Variants in SIRPG observed in about 807,000 individuals in gnomAD.
SIRPG encodes signal regulatory protein gamma, also known as signal-regulatory protein gamma.
In SIRPG, 38 loss-of-function variants were observed where a neutral mutation model predicts 35.7. The observed-to-expected ratio is 1.06, with a 90% CI of 0.82 to 1.40. The LOEUF is 1.40. Ranked by LOEUF, SIRPG falls within the 40% of genes most tolerant of loss-of-function variation. The probability of loss-of-function intolerance (pLI) is 0.00; values close to 1 mark genes in which losing one functional copy is unlikely to be tolerated. For missense variants in SIRPG, 519 were observed against 483.0 expected (o/e 1.07, Z -0.70); for synonymous variants, 215 against 190.4 (o/e 1.13, Z -1.06).
At chr20:1,670,404 A>G in the SIRPG span, among the ~76,000 whole-genome samples, 2 of 152,264 alleles carry the variant, frequency 1.3e-5, no homozygotes, top group South Asian at 4.1e-4. Flanking sequence ...TATGAATGAA[A>G]TTACTAAGCA....
At chr20:1,634,313 TCTC>T (rs2122421978) in intron 4 of SIRPG, among the ~76,000 whole-genome samples, 1 of 151,226 alleles carries the variant, frequency 6.6e-6, no homozygotes, top group Admixed American at 6.6e-5. Flanking sequence ...TTCACACCAT[TCTC>T]CTGCCTCAGC....
intron 2 of SIRPG, among the ~76,000 whole-genome samples, chr20:1,637,012 C>T (rs921298108): frequency 6.6e-6 from 1 of 152,186 alleles, no homozygotes; most frequent in Admixed American, 6.5e-5. Flanking sequence ...GCAGCATTTT[C>T]CCTTCCCAGG....
the SIRPG span, among the ~76,000 whole-genome samples, chr20:1,671,466 G>T: frequency 1.3e-5 from 2 of 152,152 alleles, no homozygotes; most frequent in Non-Finnish European, 2.9e-5. Context: ...CTCCCTCTGT[G>T]TATGGACTGG....
At chr20:1,645,294 TTGCCAGGGGACTGGGTA>T (rs796225656) in intron 2 of SIRPG, among the ~76,000 whole-genome samples, 8 of 152,246 alleles carry the variant, frequency 5.3e-5, no homozygotes, top group African/African-American at 1.9e-4. Context: ...GGCATGACCT[TTGCCAGGGGACTGGGTA>T]TGAGAATCTT....
At chr20:1,658,281 C>T (rs924134401), upstream of SIRPG, among the ~76,000 whole-genome samples, 1 of 152,200 alleles carries the variant, frequency 6.6e-6, no homozygotes, top group Non-Finnish European at 1.5e-5. Flanking sequence ...AATTCAGTCT[C>T]TTGTGGACCT....
chr20:1,649,231 T>A lies in SIRPG; in HGVS notation c.251A>T (p.His84Leu). The part of the protein sequence containing the change: ...RELIYNQKEG[H>L]FPRVTTVSDL... ...TGAAACTGTTGTTACCCTGGGGAAG[T>A]GGCCTTCTTTTTGATTGTAGATTAA... Residue 84 changes from histidine to leucine, a missense_variant, in exon 2 of 6, where the codon CAC becomes CTC. Transcript: ENST00000303415. The A allele has an allele frequency of 6.2e-7, 1 of 1,614,150 alleles. No homozygotes were observed. The highest frequency in any genetic ancestry group is 1.3e-5 in the African/African-American group (1 of 75,034).
At chr20:1,652,173 C>A (rs1357804248) in intron 1 of SIRPG, among the ~76,000 whole-genome samples, 1 of 152,128 alleles carries the variant, frequency 6.6e-6, no homozygotes, top group Non-Finnish European at 1.5e-5. Flanking sequence ...CAAAAAAGCC[C>A]CTCTCTGCCT....
chr20:1,659,261 C>T (rs1223277204), upstream of SIRPG, among the ~76,000 whole-genome samples: 4 of 152,232 alleles, frequency 2.6e-5, no homozygotes, highest in African/African-American at 9.6e-5. Context: ...TCCTTCATCT[C>T]ACATGTGGGT....
the SIRPG span, among the ~76,000 whole-genome samples, chr20:1,667,912 T>C: frequency 6.6e-6 from 1 of 152,220 alleles, no homozygotes; most frequent in Non-Finnish European, 1.5e-5. Flanking sequence ...TGAGTCTTAT[T>C]GTATTGACTG....
the SIRPG span, among the ~76,000 whole-genome samples, chr20:1,666,856 A>C: frequency 6.6e-6 from 1 of 152,136 alleles, no homozygotes; most frequent in Non-Finnish European, 1.5e-5. Context: ...AAATTATTAA[A>C]AAATATTTTA....
At chr20:1,669,778 G>C in the SIRPG span, 2 of 152,256 alleles carry the variant, frequency 1.3e-5, no homozygotes, top group African/African-American at 2.4e-5. Flanking sequence ...CTCTTGGAGT[G>C]TGGGATTTGG....
At chr20:1,680,699 G>GA in the SIRPG span, among the ~76,000 whole-genome samples, 1 of 141,074 alleles carries the variant, frequency 7.1e-6, no homozygotes, top group Non-Finnish European at 1.6e-5. Flanking sequence ...GGAATAAAGG[G>GA]AAAAACACAT....
chr20:1,678,359 G>A, the SIRPG span, among the ~76,000 whole-genome samples: 2 of 152,096 alleles, frequency 1.3e-5, no homozygotes, highest in Admixed American at 1.3e-4. Context: ...TTATGATACA[G>A]TAACAAAATA....
chr20:1,668,140 T>TC, the SIRPG span, among the ~76,000 whole-genome samples: 1 of 117,168 alleles, frequency 8.5e-6, no homozygotes, highest in African/African-American at 3.0e-5. Context: ...TCTTTCTCTT[T>TC]TCTTTTCTTT....
At chr20:1,660,304 G>A (rs773417127), upstream of SIRPG, among the ~76,000 whole-genome samples, 2 of 152,186 alleles carry the variant, frequency 1.3e-5, no homozygotes, top group Non-Finnish European at 2.9e-5. Context: ...GGGTGATTAT[G>A]TAGGGGAAAT....
intron 1 of SIRPG, among the ~76,000 whole-genome samples, chr20:1,650,394 A>G (rs896650183): frequency 6.6e-6 from 1 of 152,190 alleles, no homozygotes; most frequent in Non-Finnish European, 1.5e-5. Flanking sequence ...AAACAAGAAC[A>G]TCCAGAATGA....
chr20:1,637,217 A>C (rs1331017311), intron 2 of SIRPG: 1 of 193,862 alleles, frequency 5.2e-6, no homozygotes, highest in African/African-American at 2.4e-5. Context: ...ACAGTTTTTG[A>C]AAGAAAATGA....
At chr20:1,634,255 G>A (rs1366674253) in intron 4 of SIRPG, among the ~76,000 whole-genome samples, 2 of 150,210 alleles carry the variant, frequency 1.3e-5, no homozygotes, top group Non-Finnish European at 3.0e-5. Flanking sequence ...CGCCCAGGCT[G>A]GAGTGCAGTG....
chr20:1,638,682 A>T (rs2091824106), intron 2 of SIRPG, among the ~76,000 whole-genome samples: 1 of 152,164 alleles, frequency 6.6e-6, no homozygotes, highest in Admixed American at 6.5e-5. Context: ...TATGTTTGCC[A>T]TGGTGGTTTG....
Sources: allele counts gnomAD v4.1 joint callset (sites outside exome capture counted in the v4.1 genomes callset), GRCh38; gene constraint gnomAD v4.1.1; transcripts MANE v1.5; gene names NCBI Gene and HGNC (gene_info 2026-07-23, HGNC 2026-07-21).